The following TCF12 variants were observed in gnomAD, a reference collection of about 807,000 sequenced individuals.
The protein encoded by TCF12 is DNA-binding protein HTF4.
Under a neutral mutation model 86.0 loss-of-function variants are expected in TCF12, and 45 were observed. That is an observed-to-expected ratio of 0.52 (90% CI 0.41 to 0.67). The LOEUF is 0.67. Ranked by LOEUF, TCF12 falls within the 30% of genes least tolerant of loss-of-function variation. TCF12 has a pLI of 0.00. For missense variants in TCF12, 881 were observed against 859.9 expected (o/e 1.02, Z -0.31); for synonymous variants, 330 against 299.6 (o/e 1.10, Z -1.05).
At chr15:57,103,186 G>A (rs1295310702) in intron 5 of TCF12, among the ~76,000 whole-genome samples, 2 of 152,188 alleles carry the variant, frequency 1.3e-5, no homozygotes, top group Admixed American at 6.5e-5. Context: ...TCCCCAAAGG[G>A]TATGTACAAT....
chr15:56,990,867 T>C (rs1407528903), intron 3 of TCF12, among the ~76,000 whole-genome samples: 1 of 151,780 alleles, frequency 6.6e-6, no homozygotes, highest in East Asian at 1.9e-4. Context: ...TAATCATGGC[T>C]CACTGGAGCC....
intron 8 of TCF12, among the ~76,000 whole-genome samples, chr15:57,209,415 A>G (rs1212615005): frequency 6.6e-6 from 1 of 152,226 alleles, no homozygotes; most frequent in African/African-American, 2.4e-5. Flanking sequence ...ATATAGGGCC[A>G]TGGTCCTCAC....
At chr15:57,165,164 G>GTGTA (rs57965949) in intron 5 of TCF12, among the ~76,000 whole-genome samples, 4,336 of 127,358 alleles carry the variant, frequency 0.034, 179 homozygotes, top group African/African-American at 0.097. Context: ...GTGTGTGTGT[G>GTGTA]CGTACACGAG....
chr15:57,066,259 A>G (rs1162680601), intron 4 of TCF12, among the ~76,000 whole-genome samples: 1 of 152,148 alleles, frequency 6.6e-6, no homozygotes, highest in Non-Finnish European at 1.5e-5. Context: ...AAATGGGTAT[A>G]ATTGTGTTGA....
intron 5 of TCF12, among the ~76,000 whole-genome samples, chr15:57,164,122 T>C (rs1211383237): frequency 1.3e-5 from 2 of 152,148 alleles, no homozygotes; most frequent in East Asian, 1.9e-4. Flanking sequence ...GCCTCAAAAA[T>C]ACCACATTTG....
At chr15:57,272,426 A>G (rs2061185758) in intron 18 of TCF12, among the ~76,000 whole-genome samples, 1 of 152,224 alleles carries the variant, frequency 6.6e-6, no homozygotes. Context: ...AGAACAAAAA[A>G]ATAGCCGTTT....
At chr15:57,240,033 A>C (rs1233771770) in intron 12 of TCF12, among the ~76,000 whole-genome samples, 1 of 152,180 alleles carries the variant, frequency 6.6e-6, no homozygotes, top group African/African-American at 2.4e-5. Context: ...TGAGACTAGA[A>C]CTCTGGGGAA....
chr15:57,060,697 C>G (rs888849803), intron 3 of TCF12, among the ~76,000 whole-genome samples: 1 of 152,172 alleles, frequency 6.6e-6, no homozygotes, highest in Non-Finnish European at 1.5e-5. Flanking sequence ...AAAAATGTTA[C>G]TTCTCATCAC....
chr15:57,265,299 T>C (rs2060810271), intron 18 of TCF12, among the ~76,000 whole-genome samples: 1 of 152,088 alleles, frequency 6.6e-6, no homozygotes, highest in Non-Finnish European at 1.5e-5. Flanking sequence ...CATGTGGGTT[T>C]TCTCTAAGTA....
At chr15:57,172,244 C>T (rs952084702) in intron 6 of TCF12, among the ~76,000 whole-genome samples, 1 of 151,874 alleles carries the variant, frequency 6.6e-6, no homozygotes, top group Non-Finnish European at 1.5e-5. Flanking sequence ...CGAAGCAAAA[C>T]AAAAATTGAT....
chr15:57,272,286 A>T (rs1195622625), intron 18 of TCF12, among the ~76,000 whole-genome samples: 3 of 152,198 alleles, frequency 2.0e-5, no homozygotes, highest in African/African-American at 7.2e-5. Context: ...TGAATTTCCA[A>T]AGTTGGAATT....
At chr15:56,982,182 C>A (rs561338161) in intron 3 of TCF12, among the ~76,000 whole-genome samples, 1 of 151,972 alleles carries the variant, frequency 6.6e-6, no homozygotes, top group South Asian at 2.1e-4. Flanking sequence ...TAGTGGGGAG[C>A]AAGAAACACA....
intron 4 of TCF12, among the ~76,000 whole-genome samples, chr15:57,065,621 G>A (rs1055495133): frequency 4.7e-5 from 7 of 149,106 alleles, no homozygotes; most frequent in East Asian, 3.9e-4. Context: ...TTTCTTCACC[G>A]CCCCGCCCCC....
intron 3 of TCF12, among the ~76,000 whole-genome samples, chr15:56,987,497 TCTGC>T (rs1342387499): frequency 2.6e-5 from 4 of 152,178 alleles, no homozygotes; most frequent in African/African-American, 9.7e-5. Flanking sequence ...GCTTTGAGTG[TCTGC>T]CTGTGTCATG....
At chr15:57,048,663 A>T (rs886316285) in intron 3 of TCF12, among the ~76,000 whole-genome samples, 4 of 151,974 alleles carry the variant, frequency 2.6e-5, no homozygotes, top group African/African-American at 9.7e-5. Flanking sequence ...TTTTCAACCT[A>T]TCATTTTGGT....
At chr15:57,223,035 T>TG (rs1458208814) in intron 8 of TCF12, among the ~76,000 whole-genome samples, 1 of 151,798 alleles carries the variant, frequency 6.6e-6, no homozygotes, top group Non-Finnish European at 1.5e-5. Flanking sequence ...GAATGGAATC[T>TG]GGGAAAAAAA....
chr15:57,030,520 C>G (rs1388118785), intron 3 of TCF12, among the ~76,000 whole-genome samples: 1 of 152,192 alleles, frequency 6.6e-6, no homozygotes, highest in Non-Finnish European at 1.5e-5. Context: ...GAAAGAGCCA[C>G]TGTACCTGGC....
intron 5 of TCF12, among the ~76,000 whole-genome samples, chr15:57,099,039 G>A (rs538804811): frequency 2.0e-5 from 3 of 152,210 alleles, no homozygotes; most frequent in Non-Finnish European, 2.9e-5. Context: ...CTTCATGGTT[G>A]CTATATTGTA....
chr15:57,171,580 C>T (rs955862067), intron 6 of TCF12, among the ~76,000 whole-genome samples: 1 of 152,308 alleles, frequency 6.6e-6, no homozygotes, highest in South Asian at 2.1e-4. Flanking sequence ...TGCTGACATA[C>T]TGCAAAATTC....
Sources: gnomAD v4.1 joint callset for allele counts (sites outside exome capture counted in the v4.1 genomes callset) on GRCh38, gnomAD v4.1.1 for gene constraint, MANE v1.5 for transcripts, NCBI Gene and HGNC (gene_info 2026-07-23, HGNC 2026-07-21) for gene names.